Variants in SIK2 observed in about 807,000 individuals in gnomAD.
The protein encoded by SIK2 is serine/threonine-protein kinase SIK2.
SIK2 carries 29 observed loss-of-function variants against 103.2 expected under a neutral mutation model. The ratio of observed to expected loss-of-function variants is 0.28; its 90% CI spans 0.21 to 0.38. The LOEUF is 0.38. SIK2 is among the 10% of genes least tolerant of loss of function. SIK2 has a pLI of 1.00. For synonymous variants in SIK2, 412 were observed against 446.1 expected, an observed-to-expected ratio of 0.92 and a Z score of 0.96; for missense variants, 879 against 1,171.0, an observed-to-expected ratio of 0.75 and a Z score of 3.64.
chr11:111,687,754 C>T (rs573978025), intron 3 of SIK2, among the ~76,000 whole-genome samples: 4 of 151,812 alleles, frequency 2.6e-5, no homozygotes, highest in South Asian at 2.1e-4. Context: ...TACAGGCACC[C>T]GCCACCATGC....
In SIK2 at chr11:111,722,820, G is replaced by A. The variant is rs1943842806; in HGVS notation, c.2147+64G>A. 1.4e-6 allele frequency: 2 copies of A among 1,474,884 alleles called. No individual in the cohort carries two copies. The highest frequency in any genetic ancestry group is 1.2e-5 in the South Asian group (1 of 85,124). The allele number at this position is 1,474,884 out of a possible 1,614,324, so 91.4% of individuals were successfully genotyped here. On this transcript the variant is annotated intron_variant, in intron 14 of 14. Transcript: ENST00000304987. The surrounding 1 kb of genome is among the most constrained non-coding windows in gnomAD (Gnocchi z 4.4). ...TCTGGAAGCCTTGAGAACACTGAATGTGTTGTCCTTTTCCTCTCACATTCG... is the reference window on the plus strand; with the variant it reads ...TCTGGAAGCCTTGAGAACACTGAATATGTTGTCCTTTTCCTCTCACATTCG...
rs1225556096 is a variant in SIK2, at chr11:111,688,719, A to G, written c.478+557A>G. Among the ~76,000 whole-genome samples, 2 of 152,120 alleles carry G rather than the reference A, an allele frequency of 1.3e-5. No individual in the cohort carries two copies. Among genetic ancestry groups the G allele is most frequent in the African/African-American group, 2.4e-5 (1 of 41,416 alleles). ...CCTTTTCACAGTTGTAAAATGTTTT[A>G]TTTTATATTCTCAGTCTCTTTATTT... On this transcript the variant is annotated intron_variant, in intron 4 of 14. Coordinates refer to ENST00000304987, the MANE Select transcript of SIK2 (RefSeq NM_015191.3). The surrounding 1 kb of genome is among the most constrained non-coding windows in gnomAD (Gnocchi z 4.2).
chr11:111,663,543 T>C (rs1224868744), intron 3 of SIK2, among the ~76,000 whole-genome samples: 1 of 152,126 alleles, frequency 6.6e-6, no homozygotes, highest in Non-Finnish European at 1.5e-5. Context: ...TGAGTGAGAC[T>C]GGAAGCCAGT....
intron 9 of SIK2, 89 bp downstream of exon 9, chr11:111,712,464 CT>C: frequency 7.2e-7 from 1 of 1,393,462 alleles, no homozygotes; most frequent in Non-Finnish European, 9.6e-7. Flanking sequence ...CTTTATTGAA[CT>C]TTATCATTTC....
intron 3 of SIK2, among the ~76,000 whole-genome samples, chr11:111,680,840 A>AT (rs1456764553): frequency 1.3e-5 from 2 of 152,244 alleles, no homozygotes; most frequent in African/African-American, 4.8e-5. Context: ...GTACTTATCT[A>AT]TAAGTGCAGA....
chr11:111,649,696 C>T (rs1055323561), intron 3 of SIK2, among the ~76,000 whole-genome samples: 3 of 152,164 alleles, frequency 2.0e-5, no homozygotes, highest in African/African-American at 7.2e-5. Flanking sequence ...TGGTAACATA[C>T]AATGCAGATG....
intron 4 of SIK2, among the ~76,000 whole-genome samples, chr11:111,691,280 A>G (rs1286620988): frequency 1.3e-5 from 2 of 152,136 alleles, no homozygotes; most frequent in Non-Finnish European, 2.9e-5. Context: ...AAAAATTCAG[A>G]TTGGTGAAGT....
At chr11:111,697,283 G>A (rs1278022748) in intron 4 of SIK2, among the ~76,000 whole-genome samples, 2 of 152,144 alleles carry the variant, frequency 1.3e-5, no homozygotes, top group Admixed American at 1.3e-4. Context: ...ACATAGTAAA[G>A]CACTTTTAAG....
At chr11:111,675,191 A>T (rs1314103142) in intron 3 of SIK2, among the ~76,000 whole-genome samples, 1 of 152,228 alleles carries the variant, frequency 6.6e-6, no homozygotes, top group Non-Finnish European at 1.5e-5. Flanking sequence ...CATGTCCCTC[A>T]TTCTACATAT....
Position 111,637,255 on chromosome 11 carries a change from C to G in SIK2, c.316+16853C>G, listed in dbSNP as rs1025710337. Among the ~76,000 whole-genome samples, 22 of 151,608 alleles carry G rather than the reference C, an allele frequency of 1.5e-4. No homozygotes were observed. The South Asian group carries it at 3.3e-3, about 23-fold the overall frequency. On this transcript the variant is annotated intron_variant, in intron 3 of 14. Coordinates refer to ENST00000304987, the MANE Select transcript of SIK2 (RefSeq NM_015191.3). Reference sequence around the variant, plus strand: ...TAATATCTATGAGTTTATTTTGTTCCCTAGTTATTTCTTTTAAAATAACAC... The same window carrying G: ...TAATATCTATGAGTTTATTTTGTTCGCTAGTTATTTCTTTTAAAATAACAC...
intron 1 of SIK2, among the ~76,000 whole-genome samples, chr11:111,608,364 A>G (rs1941675611): frequency 6.6e-6 from 1 of 152,206 alleles, no homozygotes; most frequent in Non-Finnish European, 1.5e-5. Flanking sequence ...CTTGAAAGTA[A>G]ACATAGTATT....
At chr11:111,637,347 CTAAAGGCTT>C (rs1001025054) in intron 3 of SIK2, among the ~76,000 whole-genome samples, 3 of 151,070 alleles carry the variant, frequency 2.0e-5, no homozygotes, top group African/African-American at 7.3e-5. Context: ...AATTTATTGC[CTAAAGGCTT>C]TAAATTCTTG....
At chr11:111,635,547 C>T (rs1480991031) in intron 3 of SIK2, among the ~76,000 whole-genome samples, 1 of 151,858 alleles carries the variant, frequency 6.6e-6, no homozygotes, top group East Asian at 1.9e-4. Context: ...TCACAGTCAA[C>T]TTTCTACGCC....
intron 4 of SIK2, among the ~76,000 whole-genome samples, chr11:111,694,663 T>C (rs1400821964): frequency 6.6e-6 from 1 of 152,244 alleles, no homozygotes; most frequent in Non-Finnish European, 1.5e-5. Context: ...GTTATCCTTC[T>C]GCCACTAGCA....
intron 6 of SIK2, among the ~76,000 whole-genome samples, chr11:111,702,749 T>C (rs1943246899): frequency 6.6e-6 from 1 of 152,152 alleles, no homozygotes; most frequent in Non-Finnish European, 1.5e-5. Context: ...AAGTAATATT[T>C]TATGTACACT....
chr11:111,610,782 GATAA>G (rs962872349), intron 1 of SIK2, among the ~76,000 whole-genome samples: 1 of 152,082 alleles, frequency 6.6e-6, no homozygotes, highest in Admixed American at 6.6e-5. Context: ...ATTAGTATAT[GATAA>G]ATAACTGTCA....
In SIK2 at chr11:111,727,014, G is replaced by A. The variant is rs773207832; in HGVS notation, c.*2885G>A. On this transcript the variant is annotated 3_prime_UTR_variant, in exon 15 of 15. Coordinates refer to ENST00000304987, the MANE Select transcript of SIK2 (RefSeq NM_015191.3). ...CACTAGCTCTGCAATTCCCAGCTGG[G>A]CAAGTGTGTCTCTAGTATCTCCACG... 4.3e-6 allele frequency: 7 copies of A among 1,614,042 alleles called. No homozygotes were observed. In the Admixed American group the frequency reaches 6.7e-5, roughly 15 times the overall value.
At chr11:111,612,092 C>G (rs1941735437) in intron 1 of SIK2, among the ~76,000 whole-genome samples, 1 of 152,128 alleles carries the variant, frequency 6.6e-6, no homozygotes, top group Non-Finnish European at 1.5e-5. Flanking sequence ...TCCTGGCACA[C>G]AACAGATGCT....
intron 3 of SIK2, among the ~76,000 whole-genome samples, chr11:111,685,145 G>A (rs1284562613): frequency 1.3e-5 from 2 of 152,204 alleles, no homozygotes; most frequent in African/African-American, 4.8e-5. Context: ...GACCAAATAA[G>A]TGGAGGACAA....
Sources: gnomAD v4.1 joint callset for allele counts (sites outside exome capture counted in the v4.1 genomes callset) on GRCh38, gnomAD v4.1.1 for gene constraint, Gnocchi (gnomAD v3.1) non-coding constraint, MANE v1.5 for transcripts, NCBI Gene and HGNC (gene_info 2026-07-23, HGNC 2026-07-21) for gene names.